The following KHDRBS3 variants were observed in gnomAD, a reference collection of about 807,000 sequenced individuals.
The protein encoded by KHDRBS3 is KH RNA binding domain containing, signal transduction associated 3.
KHDRBS3 carries 23 observed loss-of-function variants against 45.6 expected under a neutral mutation model. That is an observed-to-expected ratio of 0.50 (90% confidence interval 0.36 to 0.72). KHDRBS3 has a LOEUF of 0.72. Among genes scored for constraint, KHDRBS3 ranks in the 30% least tolerant of loss-of-function variants. KHDRBS3 has a pLI of 0.00. For synonymous variants in KHDRBS3, 162 were observed against 156.5 expected (o/e 1.04, Z -0.26); for missense variants, 352 against 424.8 (o/e 0.83, Z 1.51).
chr8:135,574,085 T>C (rs1158434196), intron 5 of KHDRBS3, among the ~76,000 whole-genome samples: 1 of 152,206 alleles, frequency 6.6e-6, no homozygotes, highest in Non-Finnish European at 1.5e-5. Context: ...CTGTTCAGCC[T>C]TGCCCTGAAT....
intron 1 of KHDRBS3, among the ~76,000 whole-genome samples, chr8:135,512,597 G>T (rs1445941830): frequency 6.6e-6 from 1 of 152,128 alleles, no homozygotes; most frequent in Non-Finnish European, 1.5e-5. Flanking sequence ...AGCAGTGACT[G>T]CTAGCTAACT....
intron 1 of KHDRBS3, among the ~76,000 whole-genome samples, chr8:135,481,973 C>T (rs571107737): frequency 6.6e-6 from 1 of 152,244 alleles, no homozygotes; most frequent in South Asian, 2.1e-4. Flanking sequence ...TTTGGTTTTC[C>T]ATTTCCCGTC....
At chr8:135,543,339 G>C (rs760473950) in intron 3 of KHDRBS3, among the ~76,000 whole-genome samples, 3 of 151,926 alleles carry the variant, frequency 2.0e-5, no homozygotes, top group Non-Finnish European at 4.4e-5. Context: ...TATTTTTATT[G>C]ATCATTTTCT....
chr8:135,580,210 G>C (rs1017591589), intron 5 of KHDRBS3, among the ~76,000 whole-genome samples: 7 of 152,216 alleles, frequency 4.6e-5, no homozygotes, highest in Non-Finnish European at 1.0e-4. Context: ...CCCAGCCTCT[G>C]ATGAGTAATG....
intron 5 of KHDRBS3, among the ~76,000 whole-genome samples, chr8:135,566,020 G>A (rs938841105): frequency 4.6e-5 from 7 of 152,124 alleles, no homozygotes; most frequent in African/African-American, 1.7e-4. Context: ...TGTGTGTTTT[G>A]AGAAAACACA....
chr8:135,616,827 C>T lies in KHDRBS3; in HGVS notation c.890+9790C>T, dbSNP rs181121500. On this transcript the variant is annotated intron_variant, in intron 7 of 8. Transcript: ENST00000355849. The stretch of plus-strand genomic sequence containing the variant: ...CTCTAAAGTCTTTCTATGTTTCATT[C>T]CTCGTGTTTCATACATTCTTAAAAT... Among the ~76,000 whole-genome samples, 4 of 152,102 alleles carry T rather than the reference C, an allele frequency of 2.6e-5. No homozygotes were observed. In the East Asian group the frequency reaches 7.7e-4, roughly 29 times the overall value.
intron 1 of KHDRBS3, among the ~76,000 whole-genome samples, chr8:135,497,566 C>T (rs367941774): frequency 2.0e-5 from 3 of 151,966 alleles, no homozygotes; most frequent in Non-Finnish European, 4.4e-5. Flanking sequence ...TTCTCTTGGG[C>T]GTGAAGGGGG....
intron 5 of KHDRBS3, among the ~76,000 whole-genome samples, chr8:135,562,833 GA>G (rs1827233441): frequency 1.3e-5 from 2 of 152,124 alleles, no homozygotes; most frequent in Non-Finnish European, 1.5e-5. Flanking sequence ...ACATACAAAA[GA>G]AAAACATACT....
rs189564694 is a variant in KHDRBS3, at chr8:135,616,916, G to A, written c.890+9879G>A. ...TTGCATATATAGTCTCTTTTTGATG[G>A]AAGAGAATAATAACTTTTGTATAAT... On this transcript the variant is annotated intron_variant, in intron 7 of 8. Transcript: ENST00000355849. Among the ~76,000 whole-genome samples the A allele has an allele frequency of 2.8e-3, 423 of 151,918 alleles. 2 individuals carry two copies. Among genetic ancestry groups the A allele is most frequent in the Non-Finnish European group, 4.5e-3 (304 of 67,966 alleles).
chr8:135,500,365 A>G (rs1282056072), intron 1 of KHDRBS3, among the ~76,000 whole-genome samples: 2 of 152,126 alleles, frequency 1.3e-5, no homozygotes, highest in Non-Finnish European at 2.9e-5. Flanking sequence ...ATAGAAACTG[A>G]CTTTGGCCAA....
intron 2 of KHDRBS3, among the ~76,000 whole-genome samples, chr8:135,536,826 G>A (rs1057508283): frequency 2.3e-4 from 34 of 150,416 alleles, no homozygotes; most frequent in African/African-American, 8.1e-4. Flanking sequence ...CGGGCGCGGT[G>A]GCGGGCGCCT....
intron 1 of KHDRBS3, among the ~76,000 whole-genome samples, chr8:135,474,394 G>T (rs1387356442): frequency 6.6e-6 from 1 of 152,214 alleles, no homozygotes; most frequent in Non-Finnish European, 1.5e-5. Flanking sequence ...ATGCCCAGTG[G>T]AAGTATGCAG....
chr8:135,499,654 C>T (rs901502116), intron 1 of KHDRBS3, among the ~76,000 whole-genome samples: 3 of 152,132 alleles, frequency 2.0e-5, no homozygotes, highest in African/African-American at 7.2e-5. Context: ...TTTGTTCTTT[C>T]ATTGCATTTT....
chr8:135,620,771 C>T (rs1337972272), intron 7 of KHDRBS3, among the ~76,000 whole-genome samples: 1 of 152,156 alleles, frequency 6.6e-6, no homozygotes, highest in Non-Finnish European at 1.5e-5. Context: ...CACCTCACAT[C>T]CCATTCTTCC....
At chr8:135,574,083 C>T (rs1343588374) in intron 5 of KHDRBS3, among the ~76,000 whole-genome samples, 1 of 152,180 alleles carries the variant, frequency 6.6e-6, no homozygotes, top group Non-Finnish European at 1.5e-5. Context: ...AGCTGTTCAG[C>T]CTTGCCCTGA....
intron 1 of KHDRBS3, among the ~76,000 whole-genome samples, chr8:135,518,825 T>C (rs1422971699): frequency 6.6e-6 from 1 of 152,128 alleles, no homozygotes; most frequent in Non-Finnish European, 1.5e-5. Flanking sequence ...TCTGAAAGAG[T>C]ATATAAAAAC....
intron 6 of KHDRBS3, among the ~76,000 whole-genome samples, chr8:135,591,768 T>C (rs1328506268): frequency 1.3e-5 from 2 of 152,218 alleles, no homozygotes; most frequent in Admixed American, 6.5e-5. Flanking sequence ...TCTCACTTTT[T>C]TGAGAAAGCT....
chr8:135,533,393 C>T (rs573036494), intron 2 of KHDRBS3, among the ~76,000 whole-genome samples: 51 of 152,184 alleles, frequency 3.4e-4, no homozygotes, highest in Non-Finnish European at 5.7e-4. Context: ...TATTTCTCTA[C>T]GTATGGTAGT....
chr8:135,572,521 A>G (rs1001663861), intron 5 of KHDRBS3, among the ~76,000 whole-genome samples: 2 of 152,218 alleles, frequency 1.3e-5, no homozygotes, highest in Admixed American at 6.5e-5. Flanking sequence ...AAGAAAAGAA[A>G]TAACCAATAA....
Sources: gnomAD v4.1 joint callset for allele counts (sites outside exome capture counted in the v4.1 genomes callset) on GRCh38, gnomAD v4.1.1 for gene constraint, MANE v1.5 for transcripts, NCBI Gene and HGNC (gene_info 2026-07-23, HGNC 2026-07-21) for gene names.